The following DLG5 variants were observed in gnomAD, a reference collection of about 807,000 sequenced individuals.
DLG5 encodes disks large homolog 5.
DLG5 carries 48 observed loss-of-function variants against 189.8 expected under a neutral mutation model. The observed-to-expected ratio is 0.25, with a 90% CI of 0.20 to 0.32. The LOEUF (loss-of-function observed/expected upper bound fraction) is 0.32, where lower values mean the gene tolerates loss of function less well. Among genes scored for constraint, DLG5 ranks in the 10% least tolerant of loss-of-function variants. The pLI is 1.00. For synonymous variants in DLG5, 1,016 were observed against 1,054.1 expected (o/e 0.96, Z 0.70); for missense variants, 2,160 against 2,544.7 (o/e 0.85, Z 3.25).
chr10:77,799,846 A>G (rs1395631036), intron 27 of DLG5, among the ~76,000 whole-genome samples: 1 of 152,100 alleles, frequency 6.6e-6, no homozygotes, highest in African/African-American at 2.4e-5. Context: ...CCTGGCCTCA[A>G]GCGATCCTCT....
In DLG5 at chr10:77,830,268, CCA is replaced by C; in HGVS notation, c.1956_1957del (p.Cys652TrpfsTer6). The C allele has an allele frequency of 6.2e-7, 1 of 1,614,188 alleles. No homozygotes were observed. Among genetic ancestry groups the C allele is most frequent in the Non-Finnish European group, 8.5e-7 (1 of 1,180,046 alleles). On this transcript the variant is annotated frameshift_variant, in exon 11 of 32. Coordinates refer to ENST00000372391, the MANE Select transcript of DLG5 (RefSeq NM_004747.4). LOFTEE classifies it high-confidence loss of function. ...TTTGTCCACTTTAGTGACAAATATG[CCA>C]CAGTCCCCCGGGAAACAAGGCTCAT...
the DLG5 span, among the ~76,000 whole-genome samples, chr10:77,933,247 GTTTGTT>G: frequency 3.3e-5 from 5 of 151,864 alleles, no homozygotes; most frequent in East Asian, 1.9e-4. Flanking sequence ...TGTATTTTTT[GTTTGTT>G]TTTGTTTTTG....
intron 1 of DLG5, among the ~76,000 whole-genome samples, chr10:77,896,945 GAGAA>G (rs1845777982): frequency 2.0e-5 from 3 of 151,942 alleles, no homozygotes; most frequent in Admixed American, 2.0e-4. Flanking sequence ...CAAAATGTCA[GAGAA>G]AGAAAGTATC....
chr10:77,806,533 T>A (rs1004685931), intron 26 of DLG5, among the ~76,000 whole-genome samples: 1 of 152,202 alleles, frequency 6.6e-6, no homozygotes, highest in Non-Finnish European at 1.5e-5. Flanking sequence ...TAAAACACGT[T>A]ATGCCTTCTG....
rs1351538635 is a variant in DLG5 at position 77,816,861 on chromosome 10, C to T, written c.3874+146G>A. 3.7e-6 allele frequency: 5 copies of T among 1,334,146 alleles called. No individual in the cohort carries two copies. In the Admixed American group the frequency reaches 8.0e-5, roughly 21 times the overall value. 82.6% of individuals were successfully genotyped at this position (1,334,146 alleles called of 1,614,324 possible). On this transcript the variant is annotated intron_variant, in intron 19 of 31. Transcript: ENST00000372391. ...GCTCTGCATTGCCCCCTACCCCCCACACCACCAGGCCTACTGCTGGGCTCA... is the reference window on the plus strand; with the variant it reads ...GCTCTGCATTGCCCCCTACCCCCCATACCACCAGGCCTACTGCTGGGCTCA...
At chr10:77,843,319 A>T in intron 6 of DLG5, 128 bp downstream of exon 6, 1 of 1,199,944 alleles carries the variant, frequency 8.3e-7, no homozygotes, top group Non-Finnish European at 1.2e-6. Flanking sequence ...TCAAAAAAAA[A>T]TGTTTCCTGG....
chr10:77,824,256 C>A, intron 14 of DLG5, 128 bp downstream of exon 14: 1 of 687,236 alleles, frequency 1.5e-6, no homozygotes, highest in South Asian at 1.9e-5. Flanking sequence ...TTCCTGCCCC[C>A]TCTGCACTCA....
intron 1 of DLG5, among the ~76,000 whole-genome samples, chr10:77,909,175 C>T (rs1434874750): frequency 2.0e-5 from 3 of 152,270 alleles, no homozygotes; most frequent in East Asian, 3.9e-4. Flanking sequence ...CACCCTAAAG[C>T]TTGTGTTATC....
intron 1 of DLG5, among the ~76,000 whole-genome samples, chr10:77,870,962 TGAA>T (rs1844874495): frequency 6.6e-6 from 1 of 151,236 alleles, no homozygotes; most frequent in Non-Finnish European, 1.5e-5. Context: ...GAAAAAGAGA[TGAA>T]GGGGGAGAGA....
chr10:77,806,902 A>C lies in DLG5; in HGVS notation c.4823T>G (p.Val1608Gly), dbSNP rs992348220. Residue 1608 changes from valine (V) to glycine (G), a missense_variant, in exon 26 of 32, where the codon GTG becomes GGG. Transcript: ENST00000372391. ...CTTCTTAAAGCTCAACTCTTGCTCC[A>C]CATCTGCCAGCCGGTCGTACAGGGC... Reference protein sequence around the residue: ...IRALYDRLADVEQELSFKKDD... With the variant: ...IRALYDRLADGEQELSFKKDD... 1.2e-6 allele frequency: 2 copies of C among 1,613,566 alleles called. No homozygotes were observed. Among genetic ancestry groups the C allele is most frequent in the African/African-American group, 2.7e-5 (2 of 74,900 alleles).
intron 1 of DLG5, among the ~76,000 whole-genome samples, chr10:77,898,956 T>C (rs1845844783): frequency 6.6e-6 from 1 of 152,194 alleles, no homozygotes. Context: ...TGTTATCAAC[T>C]AGCCAGTGCT....
At chr10:77,842,328 A>G in intron 6 of DLG5, 135 bp from the exon 7 acceptor site, 1 of 1,075,692 alleles carries the variant, frequency 9.3e-7, no homozygotes, top group Non-Finnish European at 1.3e-6. Context: ...CACTCTCTCC[A>G]CCCCCAGGAG....
At chr10:77,837,931 CCA>C (rs960252771) in intron 7 of DLG5, among the ~76,000 whole-genome samples, 2 of 152,218 alleles carry the variant, frequency 1.3e-5, no homozygotes, top group African/African-American at 4.8e-5. Context: ...CAACCCAGCC[CCA>C]GAGGGCCAGA....
intron 1 of DLG5, among the ~76,000 whole-genome samples, chr10:77,878,229 C>T (rs1346961613): frequency 6.6e-6 from 1 of 152,236 alleles, no homozygotes; most frequent in Non-Finnish European, 1.5e-5. Context: ...TGCGTCAGAC[C>T]GGCTGGCTCA....
chr10:77,899,534 C>A (rs896884838), intron 1 of DLG5, among the ~76,000 whole-genome samples: 16 of 152,188 alleles, frequency 1.1e-4, no homozygotes, highest in African/African-American at 3.4e-4. Context: ...ATGATCCTTG[C>A]AACCTCCCGG....
At chr10:77,919,374 G>A (rs1411944878) in intron 1 of DLG5, among the ~76,000 whole-genome samples, 1 of 151,594 alleles carries the variant, frequency 6.6e-6, no homozygotes, top group African/African-American at 2.4e-5. Context: ...CCCCAAAATC[G>A]AGTCCAACCC....
chr10:77,919,712 C>A (rs1441974676), intron 1 of DLG5, among the ~76,000 whole-genome samples: 1 of 150,348 alleles, frequency 6.7e-6, no homozygotes, highest in Non-Finnish European at 1.5e-5. Flanking sequence ...AGCGTGGGTG[C>A]TCCACATGGC....
the DLG5 span, among the ~76,000 whole-genome samples, chr10:77,933,229 T>G: frequency 6.6e-6 from 1 of 152,162 alleles, no homozygotes; most frequent in Admixed American, 6.6e-5. Context: ...TATTAAGGTT[T>G]ATCAGTGTGT....
intron 2 of DLG5, among the ~76,000 whole-genome samples, chr10:77,865,195 C>T (rs989302142): frequency 3.9e-5 from 6 of 152,184 alleles, no homozygotes; most frequent in Admixed American, 1.3e-4. Flanking sequence ...ACATTTGGGG[C>T]CGTGTTCACC....
Sources: allele counts gnomAD v4.1 joint callset (sites outside exome capture counted in the v4.1 genomes callset), GRCh38; gene constraint gnomAD v4.1.1; transcripts MANE v1.5; gene names NCBI Gene and HGNC (gene_info 2026-07-23, HGNC 2026-07-21).